Variants in MED23 observed in about 807,000 individuals in gnomAD.
MED23 encodes mediator of RNA polymerase II transcription subunit 23.
MED23 carries 105 observed loss-of-function variants against 163.9 expected under a neutral mutation model. That is an observed-to-expected ratio of 0.64 (90% CI 0.55 to 0.75). MED23 has a LOEUF of 0.75. MED23 is among the 30% of genes least tolerant of loss of function. The pLI is 0.00. For missense variants in MED23, 1,054 were observed against 1,649.0 expected (o/e 0.64, Z 6.25); for synonymous variants, 561 against 565.6 (o/e 0.99, Z 0.12).
chr6:131,621,862 T>G lies in MED23; in HGVS notation c.495+19A>C. On this transcript the variant is annotated intron_variant, in intron 6 of 28. Transcript: ENST00000368068. The stretch of plus-strand genomic sequence containing the variant: ...TTTTTTGAGGTTATGATCACGAATT[T>G]CAGACATGTCTAAATTACCTCTCTT... The G allele has an allele frequency of 2.6e-6, 4 of 1,564,886 alleles. No individual in the cohort carries two copies. Among genetic ancestry groups the G allele is most frequent in the Non-Finnish European group, 3.5e-6 (4 of 1,144,352 alleles).
At chr6:131,597,694 G>A (rs1414612357) in intron 20 of MED23, among the ~76,000 whole-genome samples, 1 of 152,032 alleles carries the variant, frequency 6.6e-6, no homozygotes, top group Non-Finnish European at 1.5e-5. Context: ...TATTTTCAAA[G>A]TATCACAAGG....
At position 131,587,114 on chromosome 6, in the gene MED23, A is replaced by C; in HGVS notation, c.*565T>G. On this transcript the variant is annotated 3_prime_UTR_variant, in exon 29 of 29. Transcript: ENST00000368068. ...AAAACTGCCAGTTGACCTTGATAGAAACTATGGAAATTTATAATAAAATTT... is the reference window on the plus strand; with the variant it reads ...AAAACTGCCAGTTGACCTTGATAGACACTATGGAAATTTATAATAAAATTT... 1.6e-6 allele frequency: 2 copies of C among 1,255,132 alleles called. No individual in the cohort carries two copies. The highest frequency in any genetic ancestry group is 3.2e-4 in the Middle Eastern group (1 of 3,098). 77.7% of individuals were successfully genotyped at this position (1,255,132 alleles called of 1,614,324 possible).
chr6:131,603,042 T>C lies in MED23; in HGVS notation c.1919A>G (p.Gln640Arg), dbSNP rs745997916. ...TCAATGAGCTCACCAAAGATGGAGC[T>C]GGTTCTGGTTTGTTTGTGCAACTGC... ...LAAVAQTNQN[Q>R]LHLCVESTAL... The change falls in exon 16 of 29, where the codon CAG becomes CGG. Residue 640 changes from glutamine (Q) to arginine (R), a missense_variant. Gln to Arg is a conservative substitution (Grantham distance 43). Coordinates refer to ENST00000368068, the MANE Select transcript of MED23 (RefSeq NM_004830.4). 2 of 1,613,852 alleles carry C rather than the reference T, an allele frequency of 1.2e-6. No individual in the cohort carries two copies. The highest frequency in any genetic ancestry group is 1.7e-6 in the Non-Finnish European group (2 of 1,179,826).
downstream of MED23, chr6:131,583,291 A>G: frequency 2.5e-6 from 4 of 1,610,936 alleles, no homozygotes; most frequent in Non-Finnish European, 3.4e-6. Context: ...AAGTTAACAG[A>G]TTATTATCTA....
chr6:131,610,660 AC>A (rs1221701728), intron 10 of MED23, among the ~76,000 whole-genome samples: 5 of 152,230 alleles, frequency 3.3e-5, no homozygotes, highest in Admixed American at 3.3e-4. Flanking sequence ...CAGGCATCAA[AC>A]ATTGTGACAG....
downstream of MED23, chr6:131,583,065 T>C: frequency 6.2e-7 from 1 of 1,611,130 alleles, no homozygotes; most frequent in Non-Finnish European, 8.5e-7. Context: ...TATAGCTACA[T>C]TTTGAAAACT....
rs1365657755 is a variant in MED23, at chr6:131,586,962, T to C, written c.*717A>G. The C allele has an allele frequency of 6.7e-7, 1 of 1,486,700 alleles. No individual in the cohort carries two copies. Among genetic ancestry groups the C allele is most frequent in the Non-Finnish European group, 9.0e-7 (1 of 1,113,614 alleles). The allele number at this position is 1,486,700 out of a possible 1,614,324, so 92.1% of individuals were successfully genotyped here. A position where few individuals can be genotyped will look rare whatever the true frequency, so the allele number is the denominator to read the frequency against. ...CCTGCAAAAGCAATTAACTTATTTT[T>C]AAAAAAAGAAATTGGAGAATCAACC... On this transcript the variant is annotated 3_prime_UTR_variant, in exon 29 of 29. Coordinates refer to ENST00000368068, the MANE Select transcript of MED23 (RefSeq NM_004830.4).
chr6:131,597,792 T>A (rs537905521), intron 20 of MED23, among the ~76,000 whole-genome samples: 37 of 152,160 alleles, frequency 2.4e-4, no homozygotes, highest in African/African-American at 8.4e-4. Flanking sequence ...AATGAATGAA[T>A]AAGGAAATTG....
At chr6:131,583,202 C>T (rs374962545), downstream of MED23, 121 of 1,596,422 alleles carry the variant, frequency 7.6e-5, no homozygotes, top group Non-Finnish European at 1.0e-4. Flanking sequence ...GTGTGTGCAA[C>T]AGAAAAGGTT....
intron 14 of MED23, 60 bp downstream of exon 14, chr6:131,605,180 G>A: frequency 6.4e-7 from 1 of 1,561,324 alleles, no homozygotes; most frequent in Non-Finnish European, 8.8e-7. Flanking sequence ...TGAAATAAAG[G>A]TTTATACTAT....
At chr6:131,612,845 C>T (rs1776380112) in intron 10 of MED23, among the ~76,000 whole-genome samples, 1 of 152,048 alleles carries the variant, frequency 6.6e-6, no homozygotes, top group Non-Finnish European at 1.5e-5. Flanking sequence ...AATGATGTCG[C>T]TTTTCAGTCT....
intron 5 of MED23, 28 bp downstream of exon 5, chr6:131,623,323 A>G (rs781276151): frequency 1.9e-6 from 3 of 1,554,526 alleles, no homozygotes; most frequent in African/African-American, 2.7e-5. Context: ...TCTGAAAGCA[A>G]TCACTTTTTA....
At chr6:131,624,844 G>T in intron 4 of MED23, 21 bp downstream of exon 4, 1 of 1,613,118 alleles carries the variant, frequency 6.2e-7, no homozygotes, top group Non-Finnish European at 8.5e-7. Context: ...TCTTCAGATT[G>T]CTCATACCCA....
intron 13 of MED23, 117 bp downstream of exon 13, chr6:131,606,361 TA>T: frequency 1.0e-6 from 1 of 994,742 alleles, no homozygotes; most frequent in Non-Finnish European, 1.6e-6. Flanking sequence ...TATTTGCCCT[TA>T]CCTATAGTGG....
intron 3 of MED23, among the ~76,000 whole-genome samples, chr6:131,625,300 A>G (rs1157598302): frequency 6.6e-6 from 1 of 152,240 alleles, no homozygotes; most frequent in African/African-American, 2.4e-5. Flanking sequence ...GATTGTTGTA[A>G]GGCATTGTAA....
At chr6:131,583,652 C>T (rs1774054817), downstream of MED23, 2 of 1,527,712 alleles carry the variant, frequency 1.3e-6, no homozygotes, top group Admixed American at 1.8e-5. Flanking sequence ...CTACCTTTTT[C>T]TGTTAGTGGA....
At chr6:131,600,289 G>T in intron 17 of MED23, 127 bp from the exon 18 acceptor site, 1 of 917,122 alleles carries the variant, frequency 1.1e-6, no homozygotes, top group Non-Finnish European at 1.7e-6. Flanking sequence ...TGCTTAACTA[G>T]TTATATTCAG....
rs753347547 is a variant in MED23 at position 131,579,157 on chromosome 6, T to A, written c.4096-4862A>T. The A allele has an allele frequency of 4.3e-6, 7 of 1,614,180 alleles. No homozygotes were observed. Among genetic ancestry groups the A allele is most frequent in the Non-Finnish European group, 5.9e-6 (7 of 1,180,016 alleles). ...GGGACCTGCCCTTTGCTGACATCCCTAATGACAGTCCCTTTCAAATTGTGA... is the reference window on the plus strand; with the variant it reads ...GGGACCTGCCCTTTGCTGACATCCCAAATGACAGTCCCTTTCAAATTGTGA... On this transcript the variant is annotated intron_variant, in intron 30 of 30. Transcript: ENST00000354577.
At chr6:131,615,306 G>C in intron 10 of MED23, 1 of 1,610,792 alleles carries the variant, frequency 6.2e-7, no homozygotes, top group East Asian at 2.2e-5. Context: ...CAATACAACA[G>C]TAAGGTTGTG....
Sources: allele counts gnomAD v4.1 joint callset (sites outside exome capture counted in the v4.1 genomes callset), GRCh38; gene constraint gnomAD v4.1.1; transcripts MANE v1.5; gene names NCBI Gene and HGNC (gene_info 2026-07-23, HGNC 2026-07-21).